The following SKIC3 variants were observed in gnomAD, a reference collection of about 807,000 sequenced individuals.
SKIC3 encodes the protein superkiller complex protein 3.
At chr5:95,522,697 C>T in the SKIC3 span, among the ~76,000 whole-genome samples, 3 of 152,076 alleles carry the variant, frequency 2.0e-5, no homozygotes, top group South Asian at 6.2e-4. Flanking sequence ...AATAGGCATG[C>T]TTTAAATATC....
chr5:95,509,589 T>C, the SKIC3 span: 3 of 1,600,100 alleles, frequency 1.9e-6, no homozygotes, highest in Middle Eastern at 1.7e-4. Context: ...TTAAATGTAG[T>C]TTACCTTTGG....
the SKIC3 span, among the ~76,000 whole-genome samples, chr5:95,476,507 T>C: frequency 6.6e-6 from 1 of 152,258 alleles, no homozygotes; most frequent in African/African-American, 2.4e-5. Flanking sequence ...CATAGAAATA[T>C]GGCATACCTT....
At chr5:95,539,607 G>A in the SKIC3 span, among the ~76,000 whole-genome samples, 2 of 152,156 alleles carry the variant, frequency 1.3e-5, no homozygotes, top group Admixed American at 6.5e-5. Flanking sequence ...ACTTTGGGGG[G>A]CTGAAGTGGG....
At chr5:95,550,439 G>T in the SKIC3 span, 12 of 148,726 alleles carry the variant, frequency 8.1e-5, no homozygotes, top group Non-Finnish European at 1.6e-4. Flanking sequence ...ATAACAAAAG[G>T]TATTTTGTAA....
At chr5:95,506,376 A>G in the SKIC3 span, among the ~76,000 whole-genome samples, 1 of 152,172 alleles carries the variant, frequency 6.6e-6, no homozygotes, top group Non-Finnish European at 1.5e-5. Context: ...TGCTGCCTTA[A>G]CTTGAATCAA....
chr5:95,482,509 T>C, the SKIC3 span: 1 of 1,614,052 alleles, frequency 6.2e-7, no homozygotes, highest in Middle Eastern at 1.7e-4. Flanking sequence ...TGGACATGAC[T>C]GTTTTTTGTA....
At chr5:95,525,419 T>G in the SKIC3 span, 3 of 1,613,980 alleles carry the variant, frequency 1.9e-6, no homozygotes, top group Non-Finnish European at 2.5e-6. Context: ...TTGTAGATAG[T>G]CCTTTTTGGT....
the SKIC3 span, among the ~76,000 whole-genome samples, chr5:95,470,961 A>G: frequency 4.6e-5 from 7 of 152,204 alleles, no homozygotes; most frequent in Non-Finnish European, 8.8e-5. Context: ...AGTATCTAAA[A>G]TATGTATTTT....
At chr5:95,520,868 C>T in the SKIC3 span, 3 of 1,317,452 alleles carry the variant, frequency 2.3e-6, no homozygotes, top group African/African-American at 1.5e-5. Flanking sequence ...AAAATAAACA[C>T]TTAAAATGAA....
chr5:95,494,694 G>C, the SKIC3 span: 3 of 1,613,474 alleles, frequency 1.9e-6, no homozygotes, highest in Non-Finnish European at 2.5e-6. Flanking sequence ...GGAGAAAGGA[G>C]AGCTGCCTTC....
At chr5:95,525,749 C>T in the SKIC3 span, 138 of 1,374,342 alleles carry the variant, frequency 1.0e-4, no homozygotes, top group South Asian at 9.4e-4. Flanking sequence ...AATTAACGAA[C>T]GAACACAGAA....
chr5:95,549,634 C>A, the SKIC3 span, among the ~76,000 whole-genome samples: 1 of 151,984 alleles, frequency 6.6e-6, no homozygotes, highest in African/African-American at 2.4e-5. Flanking sequence ...CTGAGGTCCT[C>A]TCTCACTCAT....
the SKIC3 span, chr5:95,548,486 T>A: frequency 2.0e-5 from 3 of 152,046 alleles, no homozygotes; most frequent in Non-Finnish European, 4.4e-5. Flanking sequence ...GATAAGTAAC[T>A]TTTTTGCCTA....
At chr5:95,552,737 T>C in the SKIC3 span, among the ~76,000 whole-genome samples, 2 of 152,128 alleles carry the variant, frequency 1.3e-5, no homozygotes, top group South Asian at 2.1e-4. Flanking sequence ...TTCTCTTGAG[T>C]ACCTTTTCTG....
chr5:95,468,718 C>G, the SKIC3 span, among the ~76,000 whole-genome samples: 4 of 152,182 alleles, frequency 2.6e-5, no homozygotes, highest in African/African-American at 7.2e-5. Context: ...AGAGGGATCA[C>G]GTAGTAAGCA....
chr5:95,529,652 T>G, the SKIC3 span, among the ~76,000 whole-genome samples: 1 of 152,182 alleles, frequency 6.6e-6, no homozygotes, highest in Non-Finnish European at 1.5e-5. Context: ...CTACCTGGCT[T>G]GTATTTACCA....
chr5:95,507,033 T>A, the SKIC3 span: 66 of 1,590,496 alleles, frequency 4.1e-5, 1 homozygote, highest in Non-Finnish European at 4.9e-5. Flanking sequence ...AAAGGTATTT[T>A]AATTTATCTC....
At chr5:95,544,914 C>G in the SKIC3 span, among the ~76,000 whole-genome samples, 31 of 152,226 alleles carry the variant, frequency 2.0e-4, no homozygotes, top group Admixed American at 1.6e-3. Context: ...TAAAGCGCCA[C>G]AGGCAGACAA....
chr5:95,504,096 G>A, the SKIC3 span, among the ~76,000 whole-genome samples: 3 of 137,712 alleles, frequency 2.2e-5, no homozygotes, highest in East Asian at 5.1e-4. Context: ...TGGGGGTGGG[G>A]GGTGGGGGGA....
Sources: allele counts gnomAD v4.1 joint callset (sites outside exome capture counted in the v4.1 genomes callset), GRCh38; gene constraint gnomAD v4.1.1; transcripts MANE v1.5; gene names NCBI Gene and HGNC (gene_info 2026-07-23, HGNC 2026-07-21).